The following PDLIM7 variants were observed in gnomAD, a reference collection of about 807,000 sequenced individuals.
The protein encoded by PDLIM7 is PDZ and LIM domain 7, also known as PDZ and LIM domain protein 7.
PDLIM7 carries 37 observed loss-of-function variants against 53.9 expected under a neutral mutation model. The ratio of observed to expected loss-of-function variants is 0.69; its 90% confidence interval spans 0.53 to 0.90. The LOEUF is 0.90. Ranked by LOEUF, PDLIM7 falls within the 40% of genes least tolerant of loss-of-function variation. The pLI is 0.00. For synonymous variants in PDLIM7, 300 were observed against 261.3 expected (o/e 1.15, Z -1.43); for missense variants, 617 against 638.5 (o/e 0.97, Z 0.36).
intron 5 of PDLIM7, 129 bp from the exon 6 acceptor site, chr5:177,491,275 C>T: frequency 7.0e-7 from 1 of 1,434,412 alleles, no homozygotes. Context: ...AGGCCAGGAG[C>T]CCTGCTGGGC....
chr5:177,492,708 C>T, intron 2 of PDLIM7, 31 bp from the exon 3 acceptor site: 1 of 1,589,864 alleles, frequency 6.3e-7, no homozygotes, highest in Non-Finnish European at 8.5e-7. Context: ...TGACCGAGGC[C>T]CTGGACCCTG....
At chr5:177,490,354 AG>A in intron 7 of PDLIM7, 1 of 1,453,542 alleles carries the variant, frequency 6.9e-7, no homozygotes, top group Non-Finnish European at 9.0e-7. Flanking sequence ...GTGGGCGGCC[AG>A]GGCCAGGCCA....
intron 5 of PDLIM7, chr5:177,491,352 C>G: frequency 7.7e-6 from 12 of 1,549,856 alleles, no homozygotes; most frequent in Non-Finnish European, 9.6e-6. Context: ...GGGCCGCCAC[C>G]CAGAGTGCCA....
At chr5:177,483,827 C>T (rs745417294) in intron 12 of PDLIM7, 40 bp downstream of exon 12, 21 of 1,597,980 alleles carry the variant, frequency 1.3e-5, no homozygotes, top group South Asian at 8.8e-5. Context: ...AACAGAGGGC[C>T]GGTGGGCTTG....
intron 6 of PDLIM7, 40 bp downstream of exon 6, chr5:177,490,970 G>C (rs1205144338): frequency 1.9e-6 from 3 of 1,613,968 alleles, no homozygotes; most frequent in East Asian, 2.2e-5. Flanking sequence ...GCCTGGGCTG[G>C]GGGCGAGGAA....
At chr5:177,489,906 G>C (rs1444973568) in intron 7 of PDLIM7, 74 bp from the exon 8 acceptor site, 1 of 1,542,522 alleles carries the variant, frequency 6.5e-7, no homozygotes, top group Non-Finnish European at 8.7e-7. Flanking sequence ...CCTGGGTCCT[G>C]CTGGCCCCAC....
Position 177,490,736 on chromosome 5 carries a change from A to G in PDLIM7, c.572+134T>C, listed in dbSNP as rs79373176. ...AGGGAAGGAAGGAAGGAAGGAAGGA[A>G]GGAAGGAAGGAAGGAAGGAAGGAAG... is the stretch of plus-strand genomic sequence containing the variant. On this transcript the variant is annotated intron_variant, in intron 7 of 12. Coordinates refer to ENST00000355841, the MANE Select transcript of PDLIM7 (RefSeq NM_005451.5). 24 of 819,882 alleles carry G rather than the reference A, an allele frequency of 2.9e-5. No individual in the cohort carries two copies. In the East Asian group the frequency reaches 5.7e-4, roughly 20 times the overall value. 50.8% of individuals were successfully genotyped at this position (819,882 alleles called of 1,614,324 possible).
chr5:177,491,464 G>C, intron 5 of PDLIM7: 1 of 1,455,594 alleles, frequency 6.9e-7, no homozygotes, highest in African/African-American at 1.4e-5. Context: ...GGGACAAAGG[G>C]ACAGACACAG....
Position 177,492,640 on chromosome 5 carries a change from G to T in PDLIM7, c.134C>A (p.Ala45Asp). The T allele has an allele frequency of 6.2e-7, 1 of 1,608,698 alleles. No homozygotes were observed. Among genetic ancestry groups the T allele is most frequent in the Non-Finnish European group, 8.5e-7 (1 of 1,179,972 alleles). The change falls in exon 3 of 13, where the codon GCC becomes GAC. Residue 45 changes from alanine to aspartate, a missense_variant. Coordinates refer to ENST00000355841, the MANE Select transcript of PDLIM7 (RefSeq NM_005451.5). Reference sequence around the variant, plus strand: ...GATGCTCAGCACCCAGTCACCCACGGCCACTCCGGCCTGCGCCGCTTTGCC... The same window carrying T: ...GATGCTCAGCACCCAGTCACCCACGTCCACTCCGGCCTGCGCCGCTTTGCC... ...PGGKAAQAGV[A>D]VGDWVLSIDG... is the part of the protein sequence containing the mutation.
chr5:177,490,807 C>T, intron 7 of PDLIM7, 63 bp downstream of exon 7: 10 of 1,578,166 alleles, frequency 6.3e-6, no homozygotes, highest in South Asian at 1.1e-5. Context: ...GGAGTAGACA[C>T]AGGGCAGTAG....
At chr5:177,489,221 G>C (rs1052457568) in intron 9 of PDLIM7, among the ~76,000 whole-genome samples, 172 bp downstream of exon 9, 3 of 152,236 alleles carry the variant, frequency 2.0e-5, no homozygotes, top group Non-Finnish European at 4.4e-5. Flanking sequence ...GGCTGGGGTA[G>C]GTAGCGTGGG....
intron 1 of PDLIM7, 71 bp from the exon 2 acceptor site, chr5:177,496,594 G>C: frequency 1.8e-6 from 2 of 1,098,388 alleles, no homozygotes; most frequent in South Asian, 1.6e-5. Flanking sequence ...GGCCAGCTCA[G>C]GATACCAGCC....
chr5:177,491,755 G>C (rs1281659172), intron 5 of PDLIM7, 52 bp downstream of exon 5: 2 of 881,118 alleles, frequency 2.3e-6, no homozygotes, highest in Non-Finnish European at 3.1e-6. Flanking sequence ...AGCGGGCGTG[G>C]GGCCACAGTG....
intron 2 of PDLIM7, 91 bp downstream of exon 2, chr5:177,496,325 AC>A: frequency 1.1e-6 from 1 of 940,894 alleles, no homozygotes. Flanking sequence ...CTGGCCCCTG[AC>A]CAGCTCCTGT....
intron 6 of PDLIM7, 25 bp from the exon 7 acceptor site, chr5:177,490,931 A>C (rs1390176829): frequency 2.5e-6 from 4 of 1,614,066 alleles, no homozygotes; most frequent in Non-Finnish European, 3.4e-6. Context: ...GCAGGCATTG[A>C]CCAAAAAAGA....
At chr5:177,490,060 T>C (rs903932584) in intron 7 of PDLIM7, 1 of 1,531,378 alleles carries the variant, frequency 6.5e-7, no homozygotes, top group Non-Finnish European at 8.7e-7. Context: ...CTCCCGCTTC[T>C]GAGGCAGCTC....
intron 2 of PDLIM7, among the ~76,000 whole-genome samples, chr5:177,494,819 C>T (rs977516771): frequency 3.9e-5 from 6 of 152,258 alleles, no homozygotes; most frequent in East Asian, 1.9e-4. Flanking sequence ...CAGTCCCAGA[C>T]GTTACCTCAT....
Position 177,496,520 on chromosome 5 carries a change from G to A in PDLIM7, c.-8C>T. On this transcript the variant is annotated 5_prime_UTR_variant, in exon 2 of 13. Transcript: ENST00000355841. ...TACTTTGAAGGAATCCATGATGCCG[G>A]CTCCTGAGAGGAGAGAAGAGAAGGT... is the stretch of plus-strand genomic sequence containing the variant. 1 of 1,579,754 alleles carries A rather than the reference G, an allele frequency of 6.3e-7. No individual in the cohort carries two copies. Among genetic ancestry groups the A allele is most frequent in the South Asian group, 1.2e-5 (1 of 86,276 alleles).
chr5:177,486,289 A>G (rs557389045), intron 10 of PDLIM7, among the ~76,000 whole-genome samples: 7 of 152,186 alleles, frequency 4.6e-5, no homozygotes, highest in East Asian at 1.9e-4. Context: ...CAAGCAAGAC[A>G]TAAGTGTGGG....
Sources: gnomAD v4.1 joint callset for allele counts (sites outside exome capture counted in the v4.1 genomes callset) on GRCh38, gnomAD v4.1.1 for gene constraint, MANE v1.5 for transcripts, NCBI Gene and HGNC (gene_info 2026-07-23, HGNC 2026-07-21) for gene names.